CRISPLD1: variants seen among roughly 807,000 people sequenced by gnomAD.
CRISPLD1 encodes the protein cysteine rich secretory protein LCCL domain containing 1.
Under a neutral mutation model 77.5 loss-of-function variants are expected in CRISPLD1, and 60 were observed. The observed-to-expected ratio is 0.77, with a 90% CI of 0.63 to 0.96. CRISPLD1 has a LOEUF of 0.96. CRISPLD1 is among the 40% of genes least tolerant of loss of function. The pLI is 0.00. For missense variants in CRISPLD1, 623 were observed against 615.8 expected (o/e 1.01, Z -0.12); for synonymous variants, 195 against 200.1 (o/e 0.97, Z 0.22).
rs1014524553 is a variant in CRISPLD1 at position 74,986,059 on chromosome 8, G to T, written c.72G>T (p.Met24Ile). The T allele has an allele frequency of 3.7e-6, 6 of 1,614,012 alleles. No individual in the cohort carries two copies. In the African/African-American group the frequency reaches 8.0e-5, roughly 22 times the overall value. Residue 24 changes from methionine (M) to isoleucine (I), a missense_variant, in exon 2 of 15, where the codon ATG becomes ATT. Coordinates refer to ENST00000262207, the MANE Select transcript of CRISPLD1 (RefSeq NM_031461.6). ...TCATGGCTAGAGCAATTCCAGCCAT[G>T]GTGGTTCCCAATGCCACTTTATTGG... ...VLFMARAIPA[M>I]VVPNATLLEK...
chr8:74,990,788 C>T (rs201422356), intron 2 of CRISPLD1, among the ~76,000 whole-genome samples: 1 of 147,248 alleles, frequency 6.8e-6, no homozygotes, highest in South Asian at 2.1e-4. Context: ...AAAAAAAAAA[C>T]CAGAAAATTG....
At chr8:75,008,995 T>G (rs542930725) in intron 2 of CRISPLD1, among the ~76,000 whole-genome samples, 2 of 152,292 alleles carry the variant, frequency 1.3e-5, no homozygotes, top group South Asian at 4.1e-4. Context: ...TAGTTGTATA[T>G]CTTTTCTAAA....
chr8:75,034,320 C>T lies in CRISPLD1; in HGVS notation c.*2078C>T, dbSNP rs1335401070. 6.6e-6 allele frequency: 1 copy of T among 152,046 alleles called. No individual in the cohort carries two copies. The highest frequency in any genetic ancestry group is 1.5e-5 in the Non-Finnish European group (1 of 67,952). The allele number at this position is 152,046 out of a possible 1,614,324, so 9.4% of individuals were successfully genotyped here. A position where few individuals can be genotyped will look rare whatever the true frequency, so the allele number is the denominator to read the frequency against. Reference sequence around the variant, plus strand: ...AACAAATAATATCTCCTTAAGATTGCTCTACGAATTAATTGACACATTATG... The same window carrying T: ...AACAAATAATATCTCCTTAAGATTGTTCTACGAATTAATTGACACATTATG... On this transcript the variant is annotated 3_prime_UTR_variant, in exon 15 of 15. Transcript: ENST00000262207.
chr8:75,032,201 C>A lies in CRISPLD1; in HGVS notation c.1462C>A (p.Pro488Thr). The change falls in exon 15 of 15, where the codon CCT (proline) becomes ACT (threonine). Residue 488 changes from proline (P) to threonine (T), a missense_variant. Coordinates refer to ENST00000262207, the MANE Select transcript of CRISPLD1 (RefSeq NM_031461.6). ...TTTTTTTTTTTGCAGTTTACAGAAT[C>A]CTCCAGGAGGAAAGGCATTCAGAGT... ...NGIFSESLQNPPGGKAFRVFA... is the reference protein window; with the variant it reads ...NGIFSESLQNTPGGKAFRVFA... The A allele has an allele frequency of 6.2e-7, 1 of 1,603,694 alleles. No homozygotes were observed. The highest frequency in any genetic ancestry group is 8.5e-7 in the Non-Finnish European group (1 of 1,173,616).
chr8:75,016,239 T>G (rs1813024841), intron 6 of CRISPLD1, among the ~76,000 whole-genome samples: 1 of 152,190 alleles, frequency 6.6e-6, no homozygotes, highest in African/African-American at 2.4e-5. Flanking sequence ...AGCCATGACC[T>G]TATTAGATCA....
At position 75,012,353 on chromosome 8, in the gene CRISPLD1, G is replaced by C. The variant is rs906968443; in HGVS notation, c.259-80G>C. The C allele has an allele frequency of 1.8e-5, 15 of 811,044 alleles. No individual in the cohort carries two copies. In the Admixed American group the frequency reaches 2.2e-4, roughly 12 times the overall value. The allele number at this position is 811,044 out of a possible 1,614,324, so 50.2% of individuals were successfully genotyped here. On this transcript the variant is annotated intron_variant, in intron 2 of 14. Coordinates refer to ENST00000262207, the MANE Select transcript of CRISPLD1 (RefSeq NM_031461.6). ...TTTGTAAAGAAAGAAAGAAGAAAAT[G>C]TAAGAACTGCTCAACACTGTGTTCT...
In CRISPLD1 at chr8:75,014,909, A is replaced by C. The variant is rs201951185; in HGVS notation, c.724A>C (p.Lys242Gln). 1.6e-5 allele frequency: 25 copies of C among 1,563,994 alleles called. No individual in the cohort carries two copies. Among genetic ancestry groups the C allele is most frequent in the Non-Finnish European group, 1.9e-5 (22 of 1,159,616 alleles). Residue 242 changes from lysine to glutamine, a missense_variant, in exon 6 of 15, where the codon AAA (lysine) becomes CAA (glutamine). Physicochemically the swap from Lys to Gln is moderately conservative, Grantham distance 53. Transcript: ENST00000262207. ...GGGCTGTAGAGAAAATCTGTGCTAC[A>C]AAGGTAAGTGCTATTGTGTTGTGGT... ...GGGCRENLCY[K>Q]EGSDRYYPPR...
chr8:75,026,752 C>T (rs963670846), intron 13 of CRISPLD1: 1 of 151,918 alleles, frequency 6.6e-6, no homozygotes, highest in Non-Finnish European at 1.5e-5. Context: ...TGTACATTAC[C>T]ACCTATTTCT....
chr8:75,001,097 CATA>C (rs1488416553), intron 2 of CRISPLD1, among the ~76,000 whole-genome samples: 1 of 151,670 alleles, frequency 6.6e-6, no homozygotes, highest in East Asian at 1.9e-4. Context: ...TTATGTAAAA[CATA>C]ATAAAAATAT....
intron 9 of CRISPLD1, 35 bp from the exon 10 acceptor site, chr8:75,017,283 ATT>A: frequency 6.2e-7 from 1 of 1,602,050 alleles, no homozygotes; most frequent in Non-Finnish European, 8.5e-7. Context: ...GAACTCTAAT[ATT>A]TTTAACATCT....
intron 2 of CRISPLD1, among the ~76,000 whole-genome samples, chr8:74,991,833 CTT>C (rs1395726573): frequency 6.6e-6 from 1 of 152,144 alleles, no homozygotes; most frequent in Non-Finnish European, 1.5e-5. Context: ...GCCACAAACT[CTT>C]ACTTTTCCCT....
intron 13 of CRISPLD1, chr8:75,026,833 T>G (rs1813243630): frequency 6.6e-6 from 1 of 152,126 alleles, no homozygotes; most frequent in Non-Finnish European, 1.5e-5. Flanking sequence ...CAATTCTGAG[T>G]CTCTCTCAAG....
chr8:74,993,548 A>G (rs1812605232), intron 2 of CRISPLD1, among the ~76,000 whole-genome samples: 1 of 152,208 alleles, frequency 6.6e-6, no homozygotes, highest in South Asian at 2.1e-4. Context: ...CTTAATTTGA[A>G]TATTTTTAAG....
chr8:75,028,309 A>C (rs1421507193), intron 13 of CRISPLD1, among the ~76,000 whole-genome samples: 1 of 152,194 alleles, frequency 6.6e-6, no homozygotes, highest in East Asian at 1.9e-4. Flanking sequence ...CTGATGCTCT[A>C]GAGTTCACAA....
chr8:74,996,457 T>C (rs1039752626), intron 2 of CRISPLD1, among the ~76,000 whole-genome samples: 3 of 152,032 alleles, frequency 2.0e-5, no homozygotes, highest in African/African-American at 4.8e-5. Flanking sequence ...AGTGAGGTGA[T>C]AGAGAATGAG....
In CRISPLD1 at chr8:74,985,956, A is replaced by G. The variant is rs1812488715; in HGVS notation, c.-32A>G. The G allele has an allele frequency of 6.3e-7, 1 of 1,591,672 alleles. No homozygotes were observed. The highest frequency in any genetic ancestry group is 8.6e-7 in the Non-Finnish European group (1 of 1,165,004). ...AGGAGTGGAAGAGCCTGTCTTGGAG[A>G]TTTTCCTGGGGAAATCCTGAGGTCA... On this transcript the variant is annotated 5_prime_UTR_variant, in exon 2 of 15. Coordinates refer to ENST00000262207, the MANE Select transcript of CRISPLD1 (RefSeq NM_031461.6).
In CRISPLD1 at chr8:75,023,751, T is replaced by C. The variant is rs146096802; in HGVS notation, c.1245-1795T>C. Among the ~76,000 whole-genome samples, 299 of 151,764 alleles carry C rather than the reference T, an allele frequency of 2.0e-3. 1 individual carries two copies. The highest frequency in any genetic ancestry group is 5.0e-3 in the African/African-American group (205 of 41,268). ...CTCATTTACTACTTAAAATTGTGTG[T>C]TTTCCAGTTTTAGTTTGTGTTTCCT... On this transcript the variant is annotated intron_variant, in intron 12 of 14. Coordinates refer to ENST00000262207, the MANE Select transcript of CRISPLD1 (RefSeq NM_031461.6).
intron 2 of CRISPLD1, among the ~76,000 whole-genome samples, chr8:74,997,603 T>G (rs993284700): frequency 4.6e-5 from 7 of 152,068 alleles, no homozygotes; most frequent in Non-Finnish European, 1.0e-4. Context: ...AGAAGAAGGT[T>G]TTTTATAGAC....
At chr8:75,022,986 T>C (rs1453785103) in intron 12 of CRISPLD1, among the ~76,000 whole-genome samples, 1 of 151,876 alleles carries the variant, frequency 6.6e-6, no homozygotes, top group Non-Finnish European at 1.5e-5. Flanking sequence ...CAATTAGATC[T>C]TTAAAATTTA....
Sources: gnomAD v4.1 joint callset for allele counts (sites outside exome capture counted in the v4.1 genomes callset) on GRCh38, gnomAD v4.1.1 for gene constraint, MANE v1.5 for transcripts, NCBI Gene and HGNC (gene_info 2026-07-23, HGNC 2026-07-21) for gene names.